KLHL1: variants seen among roughly 807,000 people sequenced by gnomAD.
KLHL1 encodes the protein kelch like family member 1.
A neutral mutation model predicts 77.7 loss-of-function variants in KLHL1; 47 were observed. The ratio of observed to expected loss-of-function variants is 0.60; its 90% CI spans 0.48 to 0.77. KLHL1 has a LOEUF of 0.77. Ranked by LOEUF, KLHL1 falls within the 30% of genes least tolerant of loss-of-function variation. The pLI is 0.00. For missense variants in KLHL1, 925 were observed against 910.8 expected (o/e 1.02, Z -0.20); for synonymous variants, 360 against 325.2 (o/e 1.11, Z -1.15).
At chr13:70,011,366 G>A (rs1885529950) in intron 1 of KLHL1, among the ~76,000 whole-genome samples, 1 of 152,180 alleles carries the variant, frequency 6.6e-6, no homozygotes, top group South Asian at 2.1e-4. Context: ...AATATAGAAA[G>A]TTTAGTATTT....
At chr13:69,874,696 T>C (rs1880703261) in intron 5 of KLHL1, among the ~76,000 whole-genome samples, 1 of 152,130 alleles carries the variant, frequency 6.6e-6, no homozygotes, top group African/African-American at 2.4e-5. Flanking sequence ...TGGTAAATGC[T>C]ATGTATAATA....
intron 5 of KLHL1, among the ~76,000 whole-genome samples, chr13:69,872,263 G>A (rs1208616198): frequency 6.6e-6 from 1 of 152,062 alleles, no homozygotes; most frequent in Non-Finnish European, 1.5e-5. Flanking sequence ...TACATAGGGG[G>A]GACTCCAGGG....
chr13:69,873,009 G>A (rs1430527520), intron 5 of KLHL1, among the ~76,000 whole-genome samples: 1 of 152,140 alleles, frequency 6.6e-6, no homozygotes, highest in East Asian at 1.9e-4. Flanking sequence ...AATTATCTAT[G>A]CAGTTTAACT....
intron 1 of KLHL1, among the ~76,000 whole-genome samples, chr13:70,084,621 G>GTTTTTTTTT (rs1288782478): frequency 1.5e-4 from 1 of 6,604 alleles, no homozygotes; most frequent in African/African-American, 4.5e-4. Context: ...ACCACGCCAG[G>GTTTTTTTTT]CTTTTTTTTT....
intron 6 of KLHL1, among the ~76,000 whole-genome samples, chr13:69,802,444 C>T (rs1877425815): frequency 6.6e-6 from 1 of 152,014 alleles, no homozygotes; most frequent in East Asian, 1.9e-4. Flanking sequence ...GACCATCCCT[C>T]ATATTGTCTT....
In KLHL1 at chr13:69,896,156, T is replaced by G. The variant is rs548332596; in HGVS notation, c.1015-13661A>C. Among the ~76,000 whole-genome samples, 458 of 152,250 alleles carry G rather than the reference T, an allele frequency of 3.0e-3. 3 individuals carry two copies. The highest frequency in any genetic ancestry group is 5.0e-3 in the Non-Finnish European group (341 of 68,008). ...TCTCACATTGGTTGGTTTGCCCCAC[T>G]TTCTCCATCTTTACACACAGCAATG... On this transcript the variant is annotated intron_variant, in intron 4 of 10. Coordinates refer to ENST00000377844, the MANE Select transcript of KLHL1 (RefSeq NM_020866.3).
intron 7 of KLHL1, among the ~76,000 whole-genome samples, chr13:69,790,721 G>C (rs1876831970): frequency 6.6e-6 from 1 of 152,060 alleles, no homozygotes; most frequent in African/African-American, 2.4e-5. Context: ...AATAGATACA[G>C]GAAAATCCAA....
chr13:69,751,108 G>GTGTA (rs1227180754), intron 7 of KLHL1, among the ~76,000 whole-genome samples: 8 of 132,696 alleles, frequency 6.0e-5, no homozygotes, highest in Non-Finnish European at 1.3e-4. Context: ...CATGTCATGT[G>GTGTA]TGTATGTGTG....
chr13:69,949,468 C>T (rs1255298080), intron 3 of KLHL1, among the ~76,000 whole-genome samples: 1 of 151,746 alleles, frequency 6.6e-6, no homozygotes, highest in Non-Finnish European at 1.5e-5. Context: ...ACATTATCAA[C>T]GTGACTTATC....
At chr13:69,983,405 G>A (rs1217722828) in intron 1 of KLHL1, among the ~76,000 whole-genome samples, 4 of 151,810 alleles carry the variant, frequency 2.6e-5, no homozygotes, top group Non-Finnish European at 1.5e-5. Flanking sequence ...GCCATTTTGA[G>A]TAAAAAAGTA....
chr13:69,882,755 C>T (rs749516859), intron 4 of KLHL1, among the ~76,000 whole-genome samples: 1 of 152,066 alleles, frequency 6.6e-6, no homozygotes, highest in African/African-American at 2.4e-5. Flanking sequence ...GCAGAATGTA[C>T]TAAGTGATTA....
At chr13:69,852,849 G>A (rs1447083178) in intron 5 of KLHL1, among the ~76,000 whole-genome samples, 1 of 151,880 alleles carries the variant, frequency 6.6e-6, no homozygotes, top group Non-Finnish European at 1.5e-5. Flanking sequence ...CATCTTTACT[G>A]AGAAAAAACT....
At position 69,896,194 on chromosome 13, in the gene KLHL1, C is replaced by T. The variant is rs183251162; in HGVS notation, c.1015-13699G>A. 9.2e-5 allele frequency among the ~76,000 whole-genome samples: 14 copies of T among 152,230 alleles called. No homozygotes were observed. The East Asian group carries it at 1.5e-3, about 17-fold the overall frequency. ...ACACACAGCAATGGCAGGTTGAATTCTTCTCATGATTGGAATCTCTCTTGC... is the reference window on the plus strand; with the variant it reads ...ACACACAGCAATGGCAGGTTGAATTTTTCTCATGATTGGAATCTCTCTTGC... On this transcript the variant is annotated intron_variant, in intron 4 of 10. Coordinates refer to ENST00000377844, the MANE Select transcript of KLHL1 (RefSeq NM_020866.3).
rs1216543322 is a variant in KLHL1, at chr13:69,983,589, A to AAAAAAAAAAAAAAAAAAG, written c.498-7788_498-7787insCTTTTTTTTTTTTTTTTT. Among the ~76,000 whole-genome samples the AAAAAAAAAAAAAAAAAAG allele has an allele frequency of 7.0e-3, 921 of 131,922 alleles. 32 individuals are homozygous for AAAAAAAAAAAAAAAAAAG. The highest frequency in any genetic ancestry group is 0.032 in the African/African-American group (862 of 26,630). 86.5% of individuals were successfully genotyped at this position (131,922 alleles called of 152,430 possible). Reference sequence around the variant, plus strand: ...ACCCTATCTTTACAAAAAAAAAAAAAAAGAAGAAGAAGAAGAGAAAAAAAA... The same window carrying AAAAAAAAAAAAAAAAAAG: ...ACCCTATCTTTACAAAAAAAAAAAAAAAAAAAAAAAAAAAAAAGAAGAAGAAGAAGAAGAGAAAAAAAA... On this transcript the variant is annotated intron_variant, in intron 1 of 10. Coordinates refer to ENST00000377844, the MANE Select transcript of KLHL1 (RefSeq NM_020866.3).
At chr13:70,051,913 AT>A (rs1886638442) in intron 1 of KLHL1, among the ~76,000 whole-genome samples, 1 of 150,272 alleles carries the variant, frequency 6.7e-6, no homozygotes, top group African/African-American at 2.5e-5. Context: ...TAAAGTAAAG[AT>A]TTTTGTCCTA....
Position 69,797,827 on chromosome 13 carries a change from T to TAAAA in KLHL1, c.1415-869_1415-866dup, listed in dbSNP as rs35332261. Reference sequence around the variant, plus strand: ...CTGGGTGACAGAGCGAGACTCCATCTAAAAAAAAAAAAAAAAAATCTGGGG... The same window carrying TAAAA: ...CTGGGTGACAGAGCGAGACTCCATCTAAAAAAAAAAAAAAAAAAAAAATCTGGGG... On this transcript the variant is annotated intron_variant, in intron 6 of 10. Coordinates refer to ENST00000377844, the MANE Select transcript of KLHL1 (RefSeq NM_020866.3). Among the ~76,000 whole-genome samples the TAAAA allele has an allele frequency of 5.4e-5, 7 of 130,714 alleles. 1 individual carries two copies. Among genetic ancestry groups the TAAAA allele is most frequent in the Non-Finnish European group, 8.1e-5 (5 of 61,400 alleles). 85.8% of individuals were successfully genotyped at this position (130,714 alleles called of 152,430 possible).
In KLHL1 at chr13:70,108,011, T is replaced by C; in HGVS notation, c.-312A>G. 1 of 441,618 alleles carries C rather than the reference T, an allele frequency of 2.3e-6. No individual in the cohort carries two copies. Among genetic ancestry groups the C allele is most frequent in the Non-Finnish European group, 4.0e-6 (1 of 251,136 alleles). The allele number at this position is 441,618 out of a possible 1,614,324, so 27.4% of individuals were successfully genotyped here. ...CGATGCCCGCGCGAGAGCCCCGTGT[T>C]ATGGCGAGGTGGGACAACCCTTAGG... On this transcript the variant is annotated 5_prime_UTR_variant, in exon 1 of 11. The change creates a new upstream start codon in the 5' untranslated region. Coordinates refer to ENST00000377844, the MANE Select transcript of KLHL1 (RefSeq NM_020866.3).
chr13:70,043,576 C>T (rs957323240), intron 1 of KLHL1, among the ~76,000 whole-genome samples: 3 of 152,162 alleles, frequency 2.0e-5, no homozygotes, highest in African/African-American at 7.2e-5. Flanking sequence ...ATGCTCTATA[C>T]AGGTATACCA....
At chr13:70,011,026 T>C (rs1885522961) in intron 1 of KLHL1, among the ~76,000 whole-genome samples, 1 of 152,118 alleles carries the variant, frequency 6.6e-6, no homozygotes, top group Non-Finnish European at 1.5e-5. Flanking sequence ...TGTTGAGTAA[T>C]AAATTCAAGT....
Sources: allele counts gnomAD v4.1 joint callset (sites outside exome capture counted in the v4.1 genomes callset), GRCh38; gene constraint gnomAD v4.1.1; transcripts MANE v1.5; gene names NCBI Gene and HGNC (gene_info 2026-07-23, HGNC 2026-07-21).